The following XKR6 variants were observed in gnomAD, a reference collection of about 807,000 sequenced individuals.
XKR6 encodes XK-related protein 6.
In XKR6, 22 loss-of-function variants were observed where a neutral mutation model predicts 56.7. That is an observed-to-expected ratio of 0.39 (90% CI 0.28 to 0.55). The LOEUF (loss-of-function observed/expected upper bound fraction) is 0.55. Ranked by LOEUF, XKR6 falls within the 20% of genes least tolerant of loss-of-function variation. XKR6 has a pLI of 0.66. For synonymous variants in XKR6, 524 were observed against 387.8 expected, an observed-to-expected ratio of 1.35 and a Z score of -4.13; for missense variants, 852 against 889.0, an observed-to-expected ratio of 0.96 and a Z score of 0.53.
At chr8:11,119,118 T>G (rs1448659835) in intron 1 of XKR6, among the ~76,000 whole-genome samples, 1 of 152,106 alleles carries the variant, frequency 6.6e-6, no homozygotes, top group Non-Finnish European at 1.5e-5. Context: ...GTTGAGCAGT[T>G]TTGAGTGAGT....
Position 11,030,528 on chromosome 8 carries a change from C to G in XKR6, c.765-105698G>C, listed in dbSNP as rs141218934. Among the ~76,000 whole-genome samples the G allele has an allele frequency of 2.8e-3, 433 of 152,268 alleles. 2 individuals are homozygous for G. Among genetic ancestry groups the G allele is most frequent in the African/African-American group, 9.8e-3 (409 of 41,546 alleles). Reference sequence around the variant, plus strand: ...AGCCTAGTGACAACCCGCAGCAAAACAGTCTCCCTCTTGAGAAATCTAGCA... The same window carrying G: ...AGCCTAGTGACAACCCGCAGCAAAAGAGTCTCCCTCTTGAGAAATCTAGCA... On this transcript the variant is annotated intron_variant, in intron 1 of 2. Transcript: ENST00000416569.
At chr8:11,071,229 G>A (rs1178901709) in intron 1 of XKR6, among the ~76,000 whole-genome samples, 1 of 152,140 alleles carries the variant, frequency 6.6e-6, no homozygotes, top group Non-Finnish European at 1.5e-5. Context: ...TTAGGGCCCT[G>A]GAGGTACTGA....
At chr8:11,147,372 T>G (rs1048940829) in intron 1 of XKR6, among the ~76,000 whole-genome samples, 1 of 152,054 alleles carries the variant, frequency 6.6e-6, no homozygotes, top group African/African-American at 2.4e-5. Context: ...CTAAAGAAGA[T>G]ATATGGATGG....
At position 10,989,935 on chromosome 8, in the gene XKR6, A is replaced by G. The variant is rs144644887; in HGVS notation, c.765-65105T>C. On this transcript the variant is annotated intron_variant, in intron 1 of 2. Coordinates refer to ENST00000416569, the MANE Select transcript of XKR6 (RefSeq NM_173683.4). ...TGTTTGCCACGTGTAACAGGATCAG[A>G]CGAAGTGTGTCATGCTTCATTCTGT... 2.0e-3 allele frequency among the ~76,000 whole-genome samples: 311 copies of G among 152,328 alleles called. 1 individual carries two copies. Among genetic ancestry groups the G allele is most frequent in the African/African-American group, 7.2e-3 (301 of 41,578 alleles).
chr8:11,164,553 A>G (rs1407829952), intron 1 of XKR6, among the ~76,000 whole-genome samples: 1 of 152,270 alleles, frequency 6.6e-6, no homozygotes, highest in Non-Finnish European at 1.5e-5. Flanking sequence ...CCTATCTTAA[A>G]AGATATATGG....
intron 1 of XKR6, among the ~76,000 whole-genome samples, chr8:11,075,449 C>T (rs1244264025): frequency 1.3e-5 from 2 of 152,182 alleles, no homozygotes; most frequent in Admixed American, 1.3e-4. Context: ...CTGACTCTTC[C>T]CAGCCCAGGT....
At chr8:11,198,584 G>C (rs993762919) in intron 1 of XKR6, among the ~76,000 whole-genome samples, 2 of 151,580 alleles carry the variant, frequency 1.3e-5, no homozygotes, top group African/African-American at 4.8e-5. Flanking sequence ...GTACTTTTCA[G>C]TTTGCCCTAA....
intron 1 of XKR6, chr8:11,063,070 A>C: frequency 1.2e-5 from 4 of 341,576 alleles, no homozygotes; most frequent in Non-Finnish European, 2.3e-5. Flanking sequence ...AATAAATTTA[A>C]ATCCTATTAA....
chr8:11,128,022 T>C (rs1799915034), intron 1 of XKR6, among the ~76,000 whole-genome samples: 2 of 152,354 alleles, frequency 1.3e-5, no homozygotes, highest in East Asian at 3.9e-4. Flanking sequence ...GACATGCATT[T>C]GATTTATCAG....
At chr8:11,123,875 G>A (rs1014799752) in intron 1 of XKR6, 1 of 456,290 alleles carries the variant, frequency 2.2e-6, no homozygotes, top group Admixed American at 2.3e-5. Flanking sequence ...CACCTGCACT[G>A]TGCTCTCTCT....
At chr8:11,093,971 G>C (rs955621519) in intron 1 of XKR6, among the ~76,000 whole-genome samples, 1 of 151,960 alleles carries the variant, frequency 6.6e-6, no homozygotes, top group Non-Finnish European at 1.5e-5. Context: ...TTTTAGTAGA[G>C]ATGGGGGTTT....
intron 1 of XKR6, among the ~76,000 whole-genome samples, chr8:11,182,527 G>C (rs57520531): frequency 6.6e-6 from 1 of 152,168 alleles, no homozygotes. Context: ...ACTGATAAGA[G>C]GCATATCTTG....
intron 1 of XKR6, among the ~76,000 whole-genome samples, chr8:11,184,698 T>G (rs1258457050): frequency 6.6e-6 from 1 of 152,010 alleles, no homozygotes; most frequent in Non-Finnish European, 1.5e-5. Context: ...ATTTCTATAG[T>G]TTTTTTTCAC....
intron 1 of XKR6, among the ~76,000 whole-genome samples, chr8:11,099,654 C>T (rs780263323): frequency 2.0e-5 from 3 of 152,204 alleles, no homozygotes; most frequent in African/African-American, 4.8e-5. Context: ...CTCATTCACT[C>T]GCTCAAATAT....
intron 1 of XKR6, among the ~76,000 whole-genome samples, chr8:11,186,776 C>T (rs1170818444): frequency 6.6e-6 from 1 of 152,160 alleles, no homozygotes; most frequent in Non-Finnish European, 1.5e-5. Context: ...GATGTCGAAG[C>T]CACCACCAGC....
intron 1 of XKR6, among the ~76,000 whole-genome samples, chr8:11,166,271 G>A (rs1802067863): frequency 6.6e-6 from 1 of 152,154 alleles, no homozygotes; most frequent in Non-Finnish European, 1.5e-5. Flanking sequence ...ATTTATCGCT[G>A]CTTTGGGTCA....
rs541446632 is a variant in XKR6, at chr8:11,146,642, C to T, written c.764+53934G>A. Among the ~76,000 whole-genome samples, 4 of 148,752 alleles carry T rather than the reference C, an allele frequency of 2.7e-5. No individual in the cohort carries two copies. In the South Asian group the frequency reaches 6.4e-4, roughly 24 times the overall value. On this transcript the variant is annotated intron_variant, in intron 1 of 2. Transcript: ENST00000416569. ...CCCTGTCAAAAAAAAAAAAAAAACACTAACAAAATGGGCTTCATCAAAATG... is the reference window on the plus strand; with the variant it reads ...CCCTGTCAAAAAAAAAAAAAAAACATTAACAAAATGGGCTTCATCAAAATG...
At chr8:11,092,986 C>T (rs1798127501) in intron 1 of XKR6, among the ~76,000 whole-genome samples, 1 of 152,178 alleles carries the variant, frequency 6.6e-6, no homozygotes, top group Non-Finnish European at 1.5e-5. Context: ...AGTCGCCAAC[C>T]CTGCTCCCCA....
chr8:10,914,754 C>G (rs1049574397), intron 2 of XKR6, among the ~76,000 whole-genome samples: 1 of 120,038 alleles, frequency 8.3e-6, no homozygotes, highest in African/African-American at 3.3e-5. Context: ...TCACAGCTCC[C>G]TGGTAAGACC....
Sources: allele counts gnomAD v4.1 joint callset (sites outside exome capture counted in the v4.1 genomes callset), GRCh38; gene constraint gnomAD v4.1.1; transcripts MANE v1.5; gene names NCBI Gene and HGNC (gene_info 2026-07-23, HGNC 2026-07-21).